PTPN1: variants seen among roughly 807,000 people sequenced by gnomAD.
PTPN1 encodes the protein tyrosine-protein phosphatase non-receptor type 1.
PTPN1 carries 12 observed loss-of-function variants against 59.9 expected under a neutral mutation model. That is an observed-to-expected ratio of 0.20 (90% CI 0.13 to 0.32). PTPN1 has a LOEUF of 0.32. Among genes scored for constraint, PTPN1 ranks in the 10% least tolerant of loss-of-function variants. PTPN1 has a pLI of 1.00. For missense variants in PTPN1, 356 were observed against 549.2 expected (o/e 0.65, Z 3.52); for synonymous variants, 178 against 203.6 (o/e 0.87, Z 1.07).
intron 1 of PTPN1, among the ~76,000 whole-genome samples, chr20:50,554,806 A>G (rs1316840805): frequency 6.6e-6 from 1 of 152,166 alleles, no homozygotes; most frequent in Non-Finnish European, 1.5e-5. Context: ...ATAAAGAGAT[A>G]TGGCTAATGT....
At chr20:50,578,924 A>G (rs2122803188) in intron 6 of PTPN1, among the ~76,000 whole-genome samples, 1 of 152,296 alleles carries the variant, frequency 6.6e-6, no homozygotes, top group East Asian at 1.9e-4. Context: ...AGCAGGAGCA[A>G]GAGATGGGGG....
intron 1 of PTPN1, among the ~76,000 whole-genome samples, chr20:50,544,310 C>T (rs2082665613): frequency 6.6e-6 from 1 of 151,990 alleles, no homozygotes; most frequent in African/African-American, 2.4e-5. Flanking sequence ...ACCACCACAC[C>T]CAGCTACTTG....
intron 5 of PTPN1, among the ~76,000 whole-genome samples, chr20:50,576,892 T>C (rs1299701589): frequency 6.6e-6 from 1 of 152,048 alleles, no homozygotes; most frequent in East Asian, 1.9e-4. Flanking sequence ...TAATAATAAT[T>C]TTTTAAAAAT....
At chr20:50,514,983 G>A (rs2082522784) in intron 1 of PTPN1, among the ~76,000 whole-genome samples, 1 of 152,190 alleles carries the variant, frequency 6.6e-6, no homozygotes, top group Non-Finnish European at 1.5e-5. Flanking sequence ...TAGGTTCTCA[G>A]ATGTTGCTTA....
Position 50,579,940 on chromosome 20 carries a change from G to T in PTPN1, c.1088+14G>T. ...CGGCATCGAAAGGTAATATGATTGG[G>T]TCCCAGCTTGTTGGGGTGAGGGGAA... is the stretch of plus-strand genomic sequence containing the variant. On this transcript the variant is annotated intron_variant, in intron 8 of 9. Transcript: ENST00000371621. The T allele has an allele frequency of 6.2e-7, 1 of 1,607,420 alleles. No individual in the cohort carries two copies. Among genetic ancestry groups the T allele is most frequent in the Middle Eastern group, 1.7e-4 (1 of 5,996 alleles).
chr20:50,553,476 C>T (rs1442536243), intron 1 of PTPN1, among the ~76,000 whole-genome samples: 3 of 152,324 alleles, frequency 2.0e-5, no homozygotes, highest in East Asian at 1.9e-4. Flanking sequence ...GGTGTCTCTT[C>T]ATGAGCTTGG....
At chr20:50,546,429 T>C (rs1167384502) in intron 1 of PTPN1, among the ~76,000 whole-genome samples, 2 of 152,234 alleles carry the variant, frequency 1.3e-5, no homozygotes, top group South Asian at 4.1e-4. Context: ...TGAAGCACTC[T>C]CACTTCAAAT....
Position 50,524,966 on chromosome 20 carries a change from T to C in PTPN1, c.63+14376T>C, listed in dbSNP as rs193222167. 8.5e-5 allele frequency among the ~76,000 whole-genome samples: 13 copies of C among 152,350 alleles called. No homozygotes were observed. In the East Asian group the frequency reaches 2.5e-3, roughly 29 times the overall value. ...TTATTAAAAAACTCAAGTGTACTGA[T>C]AATTATCTTACTTTTAAATGGCTAA... is the stretch of plus-strand genomic sequence containing the variant. On this transcript the variant is annotated intron_variant, in intron 1 of 9. Transcript: ENST00000371621.
At chr20:50,555,496 T>C (rs1227328858) in intron 1 of PTPN1, among the ~76,000 whole-genome samples, 1 of 152,180 alleles carries the variant, frequency 6.6e-6, no homozygotes, top group Non-Finnish European at 1.5e-5. Flanking sequence ...GTTGTAGACA[T>C]TGCTTAAAAC....
At chr20:50,581,729 A>G (rs2082869723) in intron 9 of PTPN1, among the ~76,000 whole-genome samples, 1 of 152,022 alleles carries the variant, frequency 6.6e-6, no homozygotes, top group South Asian at 2.1e-4. Flanking sequence ...AGAAAATGCC[A>G]AATACGTCTG....
At chr20:50,529,104 T>C (rs936102214) in intron 1 of PTPN1, among the ~76,000 whole-genome samples, 4 of 152,202 alleles carry the variant, frequency 2.6e-5, no homozygotes, top group Non-Finnish European at 5.9e-5. Flanking sequence ...CTAAGTCTTA[T>C]CTCGAAGCAG....
intron 4 of PTPN1, 97 bp from the exon 5 acceptor site, chr20:50,574,420 T>C: frequency 7.9e-7 from 1 of 1,266,986 alleles, no homozygotes; most frequent in Non-Finnish European, 1.1e-6. Flanking sequence ...CCCAGGCCTT[T>C]GAGTTATCAT....
chr20:50,520,144 G>A (rs2082544769), intron 1 of PTPN1, among the ~76,000 whole-genome samples: 1 of 152,104 alleles, frequency 6.6e-6, no homozygotes, highest in Admixed American at 6.5e-5. Context: ...GGCCGAGGTG[G>A]GTGGATCACT....
intron 3 of PTPN1, among the ~76,000 whole-genome samples, chr20:50,565,345 C>T (rs2082773972): frequency 6.6e-6 from 1 of 152,184 alleles, no homozygotes; most frequent in South Asian, 2.1e-4. Flanking sequence ...GGTCTGTTGG[C>T]AGAGACAGCA....
At chr20:50,536,584 G>T (rs1435028706) in intron 1 of PTPN1, among the ~76,000 whole-genome samples, 2 of 152,208 alleles carry the variant, frequency 1.3e-5, no homozygotes, top group Non-Finnish European at 2.9e-5. Flanking sequence ...ACACAGGGAA[G>T]GCGTGTGGCC....
intron 5 of PTPN1, chr20:50,577,591 GC>G (rs1212809447): frequency 1.3e-5 from 2 of 152,322 alleles, no homozygotes; most frequent in African/African-American, 4.8e-5. Context: ...GCCGCCAGAA[GC>G]CTCAAGGAAG....
intron 7 of PTPN1, 86 bp downstream of exon 7, chr20:50,579,415 C>A: frequency 7.0e-7 from 1 of 1,438,102 alleles, no homozygotes; most frequent in Non-Finnish European, 9.5e-7. Context: ...AAAGTTCAAA[C>A]ACCGTCTGGT....
intron 1 of PTPN1, among the ~76,000 whole-genome samples, chr20:50,514,707 C>T (rs2082521567): frequency 1.3e-5 from 2 of 152,172 alleles, no homozygotes; most frequent in African/African-American, 4.8e-5. Flanking sequence ...TTTGGCATTC[C>T]TCCCTACAGT....
chr20:50,538,930 C>G (rs960294608), intron 1 of PTPN1, among the ~76,000 whole-genome samples: 12 of 151,796 alleles, frequency 7.9e-5, no homozygotes, highest in Admixed American at 6.6e-4. Flanking sequence ...GCCTCTGCCT[C>G]GGACATAGCT....
Sources: allele counts gnomAD v4.1 joint callset (sites outside exome capture counted in the v4.1 genomes callset), GRCh38; gene constraint gnomAD v4.1.1; transcripts MANE v1.5; gene names NCBI Gene and HGNC (gene_info 2026-07-23, HGNC 2026-07-21).